Variants in KCNAB1 observed in about 807,000 individuals in gnomAD.
KCNAB1 encodes voltage-gated potassium channel subunit beta-1.
In KCNAB1, 35 loss-of-function variants were observed where a neutral mutation model predicts 64.6. The ratio of observed to expected loss-of-function variants is 0.54; its 90% CI spans 0.41 to 0.72. The LOEUF is 0.72. KCNAB1 is among the 30% of genes least tolerant of loss of function. The pLI, the probability that KCNAB1 is intolerant of heterozygous loss-of-function variation, is 0.00. For synonymous variants in KCNAB1, 177 were observed against 183.8 expected (o/e 0.96, Z 0.30); for missense variants, 401 against 512.9 (o/e 0.78, Z 2.11).
chr3:156,128,103 T>C (rs1228941759), intron 1 of KCNAB1, among the ~76,000 whole-genome samples: 1 of 152,208 alleles, frequency 6.6e-6, no homozygotes, highest in Non-Finnish European at 1.5e-5. Flanking sequence ...TGGGCTCATG[T>C]AACAGTAGGA....
chr3:156,302,731 T>C (rs560946860), intron 1 of KCNAB1, among the ~76,000 whole-genome samples: 2 of 152,044 alleles, frequency 1.3e-5, no homozygotes, highest in Admixed American at 1.3e-4. Flanking sequence ...CTACGAGGAG[T>C]ATCTCTTTTT....
chr3:156,212,196 T>C (rs1715050559), intron 1 of KCNAB1, among the ~76,000 whole-genome samples: 1 of 152,172 alleles, frequency 6.6e-6, no homozygotes, highest in Non-Finnish European at 1.5e-5. Flanking sequence ...ACAGAGGCTG[T>C]GTGCAGACCA....
intron 1 of KCNAB1, among the ~76,000 whole-genome samples, chr3:156,306,775 C>G (rs1367960872): frequency 1.3e-5 from 2 of 152,222 alleles, no homozygotes; most frequent in Non-Finnish European, 2.9e-5. Flanking sequence ...TTTCCAACCT[C>G]TCCCAAGTTC....
intron 1 of KCNAB1, among the ~76,000 whole-genome samples, chr3:156,242,002 C>T (rs768939933): frequency 4.1e-4 from 62 of 152,274 alleles, no homozygotes; most frequent in Middle Eastern, 3.4e-3. Flanking sequence ...TGAAGCAATT[C>T]GGACATCAAC....
chr3:156,218,461 G>T (rs1715464281), intron 1 of KCNAB1, among the ~76,000 whole-genome samples: 1 of 152,106 alleles, frequency 6.6e-6, no homozygotes, highest in African/African-American at 2.4e-5. Flanking sequence ...CTATAGCCCT[G>T]CCCACTGCCT....
chr3:156,369,526 G>A (rs542996438), intron 1 of KCNAB1, among the ~76,000 whole-genome samples: 8 of 152,332 alleles, frequency 5.3e-5, no homozygotes, highest in African/African-American at 9.6e-5. Context: ...CACAGTTTGC[G>A]TAGCAAAGTT....
chr3:156,530,669 A>C (rs1718639418), intron 12 of KCNAB1, among the ~76,000 whole-genome samples: 2 of 152,182 alleles, frequency 1.3e-5, no homozygotes, highest in Admixed American at 6.5e-5. Flanking sequence ...AAGCAGAAGA[A>C]GTGAGGGGTG....
At chr3:156,410,436 C>A (rs1714569246) in intron 1 of KCNAB1, among the ~76,000 whole-genome samples, 1 of 152,184 alleles carries the variant, frequency 6.6e-6, no homozygotes, top group Non-Finnish European at 1.5e-5. Flanking sequence ...CAGTTAAATT[C>A]ATTTCTCATA....
intron 1 of KCNAB1, among the ~76,000 whole-genome samples, chr3:156,248,533 T>A (rs1717606706): frequency 6.6e-6 from 1 of 150,442 alleles, no homozygotes; most frequent in African/African-American, 2.4e-5. Flanking sequence ...ACCTCTTATT[T>A]CATGTTATTG....
intron 1 of KCNAB1, among the ~76,000 whole-genome samples, chr3:156,376,113 C>G (rs1039842629): frequency 6.6e-6 from 1 of 152,242 alleles, no homozygotes; most frequent in African/African-American, 2.4e-5. Context: ...AACCACCTCA[C>G]CCAGCCTTTC....
In KCNAB1 at chr3:156,375,619, G is replaced by A. The variant is rs1711594601; in HGVS notation, c.276-45997G>A. The stretch of plus-strand genomic sequence containing the variant: ...TCTGTGTGGAGGCACATGTGCATGT[G>A]TGTGTTGTCCAGGGAAAGTCTCTCA... On this transcript the variant is annotated intron_variant, in intron 1 of 13. Transcript: ENST00000490337. Among the ~76,000 whole-genome samples the A allele has an allele frequency of 2.2e-5, 3 of 135,470 alleles. 1 individual carries two copies. Among genetic ancestry groups the A allele is most frequent in the African/African-American group, 9.9e-5 (3 of 30,190 alleles). 88.9% of individuals were successfully genotyped at this position (135,470 alleles called of 152,430 possible). A position where few individuals can be genotyped will look rare whatever the true frequency, so the allele number is the denominator to read the frequency against.
chr3:156,424,407 A>T (rs934197961), intron 2 of KCNAB1, among the ~76,000 whole-genome samples: 1 of 152,174 alleles, frequency 6.6e-6, no homozygotes, highest in Non-Finnish European at 1.5e-5. Flanking sequence ...AGTCTAAGGT[A>T]ATTTGACATT....
At chr3:156,466,452 G>A (rs1324329108) in intron 7 of KCNAB1, among the ~76,000 whole-genome samples, 1 of 151,918 alleles carries the variant, frequency 6.6e-6, no homozygotes, top group East Asian at 1.9e-4. Context: ...GCAAATTTTT[G>A]TGTAGACATA....
intron 1 of KCNAB1, among the ~76,000 whole-genome samples, chr3:156,177,376 T>C (rs907974723): frequency 2.6e-5 from 4 of 152,164 alleles, no homozygotes; most frequent in Non-Finnish European, 5.9e-5. Context: ...TTTTTATTTC[T>C]TTATTTCTTT....
chr3:156,451,529 A>G (rs1396527987), intron 2 of KCNAB1, among the ~76,000 whole-genome samples: 1 of 152,204 alleles, frequency 6.6e-6, no homozygotes, highest in Non-Finnish European at 1.5e-5. Context: ...TCTGGAAGTA[A>G]GCATAAAGTG....
chr3:156,342,698 T>C (rs566253272), intron 1 of KCNAB1, among the ~76,000 whole-genome samples: 19 of 150,478 alleles, frequency 1.3e-4, no homozygotes, highest in East Asian at 7.8e-4. Flanking sequence ...GCCATGCTGG[T>C]GCGCTGCGCC....
rs112765430 is a variant in KCNAB1, at chr3:156,253,342, C to G, written c.275+132456C>G. ...GGCTGAAACAAAGGCTTTCACATCC[C>G]CTCCCCACAAGGTCCTTTGGGCTCC... On this transcript the variant is annotated intron_variant, in intron 1 of 13. Coordinates refer to ENST00000490337, the MANE Select transcript of KCNAB1 (RefSeq NM_172160.3). Among the ~76,000 whole-genome samples the G allele has an allele frequency of 7.9e-4, 121 of 152,294 alleles. 1 individual carries two copies. The highest frequency in any genetic ancestry group is 2.7e-3 in the African/African-American group (113 of 41,566).
chr3:156,365,069 G>A (rs1348857938), intron 1 of KCNAB1, among the ~76,000 whole-genome samples: 1 of 152,178 alleles, frequency 6.6e-6, no homozygotes, highest in Non-Finnish European at 1.5e-5. Context: ...TCCAAGCTGG[G>A]GAAAGGAAAG....
chr3:156,366,277 T>G (rs192153752), intron 1 of KCNAB1, among the ~76,000 whole-genome samples: 3 of 152,296 alleles, frequency 2.0e-5, no homozygotes, highest in East Asian at 3.9e-4. Flanking sequence ...TTTGAATAAC[T>G]GAACATATGG....
Sources: allele counts gnomAD v4.1 joint callset (sites outside exome capture counted in the v4.1 genomes callset), GRCh38; gene constraint gnomAD v4.1.1; transcripts MANE v1.5; gene names NCBI Gene and HGNC (gene_info 2026-07-23, HGNC 2026-07-21).